Variants in PDE1C observed in about 807,000 individuals in gnomAD.
PDE1C encodes dual specificity calcium/calmodulin-dependent 3',5'-cyclic nucleotide phosphodiesterase 1C.
A neutral mutation model predicts 93.1 loss-of-function variants in PDE1C; 62 were observed. That is an observed-to-expected ratio of 0.67 (90% CI 0.54 to 0.82). PDE1C has a LOEUF of 0.82. Ranked by LOEUF, PDE1C falls within the 40% of genes least tolerant of loss-of-function variation. PDE1C has a pLI of 0.00. For synonymous variants in PDE1C, 325 were observed against 310.1 expected (o/e 1.05, Z -0.50); for missense variants, 742 against 884.6 (o/e 0.84, Z 2.04).
intron 1 of PDE1C, among the ~76,000 whole-genome samples, chr7:32,308,529 C>T (rs1319042197): frequency 6.6e-6 from 1 of 152,194 alleles, no homozygotes; most frequent in East Asian, 1.9e-4. Flanking sequence ...TCCTCTGAGA[C>T]AAAACTTCCA....
At chr7:31,639,134 GT>G in the PDE1C span, among the ~76,000 whole-genome samples, 1 of 152,148 alleles carries the variant, frequency 6.6e-6, no homozygotes, top group Admixed American at 6.6e-5. Flanking sequence ...GGTGCTTGGA[GT>G]TTGTTGGACT....
chr7:31,685,778 C>A, the PDE1C span, among the ~76,000 whole-genome samples: 1 of 152,146 alleles, frequency 6.6e-6, no homozygotes, highest in African/African-American at 2.4e-5. Context: ...TGCTTCTAGG[C>A]CCTGTCCCTC....
the PDE1C span, among the ~76,000 whole-genome samples, chr7:31,641,455 A>G: frequency 6.6e-6 from 1 of 151,678 alleles, no homozygotes; most frequent in African/African-American, 2.4e-5. Context: ...GTATAACTGA[A>G]AGCATTTCTC....
intron 3 of PDE1C, among the ~76,000 whole-genome samples, chr7:32,085,338 C>A (rs1386392141): frequency 3.1e-5 from 4 of 128,462 alleles, no homozygotes; most frequent in African/African-American, 9.2e-5. Context: ...CAATAACAGG[C>A]TCTGAAATTG....
Position 32,333,323 on chromosome 7 carries a change from A to G in PDE1C, c.310+94499T>C, listed in dbSNP as rs554921100. On this transcript the variant is annotated intron_variant, in intron 1 of 1. Transcript: ENST00000672256. ...TTTTGGCTGTATTTTAAAGGTTTGC[A>G]AAGGCATCGTCACGTCCCTTTCAAT... Among the ~76,000 whole-genome samples the G allele has an allele frequency of 1.5e-4, 23 of 152,356 alleles. No homozygotes were observed. The South Asian group carries it at 4.6e-3, about 30-fold the overall frequency.
At chr7:32,174,032 AC>A (rs1159036479) in intron 2 of PDE1C, among the ~76,000 whole-genome samples, 33 of 152,236 alleles carry the variant, frequency 2.2e-4, no homozygotes, top group African/African-American at 7.5e-4. Flanking sequence ...GAAAGACAAG[AC>A]AGCTTTTTTT....
At chr7:31,743,158 G>A in the PDE1C span, among the ~76,000 whole-genome samples, 1 of 152,106 alleles carries the variant, frequency 6.6e-6, no homozygotes, top group Admixed American at 6.6e-5. Context: ...CAATCTTTGT[G>A]AAATATGACT....
the PDE1C span, among the ~76,000 whole-genome samples, chr7:31,661,439 G>A: frequency 5.3e-5 from 8 of 152,260 alleles, no homozygotes; most frequent in Middle Eastern, 3.4e-3. Flanking sequence ...TGGGCCAGGC[G>A]CAGTGGCTCA....
chr7:31,998,834 A>G (rs536088308), intron 2 of PDE1C, among the ~76,000 whole-genome samples: 1 of 152,322 alleles, frequency 6.6e-6, no homozygotes, highest in South Asian at 2.1e-4. Context: ...CAAATGATGA[A>G]AGCAAATCAA....
At chr7:31,838,895 T>C (rs771818135) in intron 9 of PDE1C, among the ~76,000 whole-genome samples, 2 of 151,888 alleles carry the variant, frequency 1.3e-5, no homozygotes, top group Non-Finnish European at 2.9e-5. Flanking sequence ...CCAGGCAAAG[T>C]TTGATCTGGC....
chr7:31,665,274 T>C, the PDE1C span, among the ~76,000 whole-genome samples: 1 of 152,208 alleles, frequency 6.6e-6, no homozygotes, highest in Admixed American at 6.5e-5. Context: ...AAGACTTCAT[T>C]GACAATTATA....
chr7:32,068,040 G>A (rs1398112615), intron 1 of PDE1C, among the ~76,000 whole-genome samples: 1 of 152,202 alleles, frequency 6.6e-6, no homozygotes, highest in Non-Finnish European at 1.5e-5. Context: ...GTGAGTTGAT[G>A]ATCACATCCT....
chr7:31,782,070 A>G (rs774908899), intron 16 of PDE1C, among the ~76,000 whole-genome samples: 6 of 152,338 alleles, frequency 3.9e-5, no homozygotes, highest in Middle Eastern at 3.4e-3. Flanking sequence ...AAAGAGCTCC[A>G]TTGCTGCTAT....
At chr7:32,112,383 T>C (rs1378561363) in intron 3 of PDE1C, among the ~76,000 whole-genome samples, 2 of 152,206 alleles carry the variant, frequency 1.3e-5, no homozygotes, top group East Asian at 3.8e-4. Context: ...ACAAATATTT[T>C]GCCAATGGCT....
chr7:32,181,579 T>A (rs1803425873), intron 2 of PDE1C, among the ~76,000 whole-genome samples: 1 of 151,860 alleles, frequency 6.6e-6, no homozygotes, highest in Admixed American at 6.6e-5. Context: ...AAGGCAGAAA[T>A]AAAGATGTTC....
intron 1 of PDE1C, among the ~76,000 whole-genome samples, chr7:32,255,847 T>C (rs564055076): frequency 1.8e-4 from 27 of 152,280 alleles, no homozygotes; most frequent in Non-Finnish European, 3.8e-4. Flanking sequence ...CTGGTGCAGA[T>C]ACTTGTGCAG....
chr7:32,019,561 C>T (rs1165302749), intron 2 of PDE1C, among the ~76,000 whole-genome samples: 1 of 152,086 alleles, frequency 6.6e-6, no homozygotes, highest in East Asian at 1.9e-4. Flanking sequence ...GGCTTCAGTA[C>T]AGCTACATAT....
chr7:31,979,931 A>T (rs1296489621), intron 2 of PDE1C, among the ~76,000 whole-genome samples: 1 of 152,192 alleles, frequency 6.6e-6, no homozygotes, highest in Non-Finnish European at 1.5e-5. Context: ...CAAAATACTC[A>T]TTTTATCCTG....
intron 2 of PDE1C, among the ~76,000 whole-genome samples, chr7:32,014,932 T>G (rs1787687104): frequency 1.3e-5 from 2 of 152,140 alleles, no homozygotes; most frequent in East Asian, 3.9e-4. Flanking sequence ...CCCCATAATC[T>G]TCACGTGTCA....
Sources: allele counts gnomAD v4.1 joint callset (sites outside exome capture counted in the v4.1 genomes callset), GRCh38; gene constraint gnomAD v4.1.1; transcripts MANE v1.5; gene names NCBI Gene and HGNC (gene_info 2026-07-23, HGNC 2026-07-21).